The following TRERF1 variants were observed in gnomAD, a reference collection of about 807,000 sequenced individuals.
TRERF1 encodes transcriptional-regulating factor 1.
A neutral mutation model predicts 122.9 loss-of-function variants in TRERF1; 27 were observed. The observed-to-expected ratio is 0.22, with a 90% CI of 0.16 to 0.30. The LOEUF (loss-of-function observed/expected upper bound fraction) is 0.30, where lower values mean the gene tolerates loss of function less well. Among genes scored for constraint, TRERF1 ranks in the 10% least tolerant of loss-of-function variants. The pLI is 1.00. For synonymous variants in TRERF1, 636 were observed against 641.7 expected (o/e 0.99, Z 0.13); for missense variants, 1,248 against 1,560.3 (o/e 0.80, Z 3.37).
chr6:42,405,802 A>AAT (rs1554205768), intron 2 of TRERF1, among the ~76,000 whole-genome samples: 2 of 150,760 alleles, frequency 1.3e-5, no homozygotes, highest in African/African-American at 4.9e-5. Context: ...CTCAAAAAAA[A>AAT]AAAAATTAAA....
At chr6:42,347,723 A>G (rs1768581266) in intron 3 of TRERF1, among the ~76,000 whole-genome samples, 1 of 152,202 alleles carries the variant, frequency 6.6e-6, no homozygotes, top group African/African-American at 2.4e-5. Flanking sequence ...CAAAGAGTGA[A>G]CCAAATGATC....
chr6:42,373,411 C>A (rs1774142196), intron 2 of TRERF1, among the ~76,000 whole-genome samples: 1 of 151,962 alleles, frequency 6.6e-6, no homozygotes, highest in Non-Finnish European at 1.5e-5. Context: ...CTCACACCTG[C>A]AATCCCAGCA....
intron 2 of TRERF1, among the ~76,000 whole-genome samples, chr6:42,389,897 T>G (rs1475916130): frequency 6.6e-6 from 1 of 152,228 alleles, no homozygotes; most frequent in Admixed American, 6.5e-5. Flanking sequence ...GCTAGTTGTC[T>G]AAAGGAACAA....
intron 2 of TRERF1, among the ~76,000 whole-genome samples, chr6:42,374,137 T>TA (rs373255205): frequency 0.044 from 5,574 of 127,342 alleles, 142 homozygotes; most frequent in East Asian, 0.096. Context: ...GTCTTTTTTT[T>TA]AAAAAAAAAA....
At chr6:42,381,733 G>A (rs1282609186) in intron 2 of TRERF1, among the ~76,000 whole-genome samples, 1 of 151,474 alleles carries the variant, frequency 6.6e-6, no homozygotes, top group Non-Finnish European at 1.5e-5. Flanking sequence ...GAGAAGGCAG[G>A]GGAAGTGGCT....
At chr6:42,353,365 T>C (rs1282954051) in intron 3 of TRERF1, among the ~76,000 whole-genome samples, 2 of 151,788 alleles carry the variant, frequency 1.3e-5, no homozygotes, top group African/African-American at 4.8e-5. Flanking sequence ...GGCGCATGGA[T>C]CATCTGAGGA....
chr6:42,371,986 A>G (rs1773855962), intron 2 of TRERF1, among the ~76,000 whole-genome samples: 1 of 152,180 alleles, frequency 6.6e-6, no homozygotes, highest in African/African-American at 2.4e-5. Flanking sequence ...GTTCGAGATC[A>G]GCCTGGCCAA....
At chr6:42,266,251 T>C (rs892391085) in intron 5 of TRERF1, among the ~76,000 whole-genome samples, 5 of 149,608 alleles carry the variant, frequency 3.3e-5, no homozygotes, top group African/African-American at 1.2e-4. Flanking sequence ...TGCAGTAGCA[T>C]GATCATGGCT....
At chr6:42,348,275 A>G (rs886787732) in intron 3 of TRERF1, among the ~76,000 whole-genome samples, 1 of 150,946 alleles carries the variant, frequency 6.6e-6, no homozygotes, top group Non-Finnish European at 1.5e-5. Flanking sequence ...CTTTTTTGAG[A>G]TGGAGTCTCA....
At chr6:42,281,442 G>A (rs565220896) in intron 4 of TRERF1, among the ~76,000 whole-genome samples, 46 of 152,168 alleles carry the variant, frequency 3.0e-4, no homozygotes, top group Non-Finnish European at 5.0e-4. Context: ...ACAGAATTGT[G>A]TTTAATAGCT....
At chr6:42,257,991 G>A in intron 10 of TRERF1, 144 bp downstream of exon 10, 1 of 670,850 alleles carries the variant, frequency 1.5e-6, no homozygotes, top group East Asian at 2.7e-5. Flanking sequence ...ATTGTGCAGG[G>A]AAACAACAGT....
chr6:42,363,537 G>A (rs983805977), intron 2 of TRERF1, among the ~76,000 whole-genome samples: 5 of 152,188 alleles, frequency 3.3e-5, no homozygotes, highest in East Asian at 1.9e-4. Flanking sequence ...ACCATGTCTT[G>A]GGGGTTGAAC....
chr6:42,345,520 C>T (rs933558417), intron 3 of TRERF1, among the ~76,000 whole-genome samples: 1 of 152,176 alleles, frequency 6.6e-6, no homozygotes, highest in African/African-American at 2.4e-5. Flanking sequence ...TCCTTCAGAA[C>T]TCCTCCAAAA....
chr6:42,259,311 C>T lies in TRERF1; in HGVS notation c.2269+28G>A, dbSNP rs375755101. ...CAGGACTTTACCCAGCACCCAGAGC[C>T]CAGGAGGACGCTAAAGGGGTGACTC... On this transcript the variant is annotated intron_variant, in intron 9 of 17. Coordinates refer to ENST00000372922, the Ensembl canonical transcript of TRERF1. The surrounding 1 kb of genome is among the most constrained non-coding windows in gnomAD (Gnocchi z 4.9). The T allele has an allele frequency of 1.3e-6, 2 of 1,487,726 alleles. No individual in the cohort carries two copies. The highest frequency in any genetic ancestry group is 1.4e-5 in the African/African-American group (1 of 71,426). 92.2% of individuals were successfully genotyped at this position (1,487,726 alleles called of 1,614,324 possible).
chr6:42,253,094 A>G (rs768452064), intron 13 of TRERF1, among the ~76,000 whole-genome samples: 14 of 152,168 alleles, frequency 9.2e-5, no homozygotes, highest in Admixed American at 4.6e-4. Context: ...CTTGTTTCAA[A>G]GTTTTTGGTA....
chr6:42,261,905 C>T (rs747245226), intron 8 of TRERF1, among the ~76,000 whole-genome samples: 1 of 152,120 alleles, frequency 6.6e-6, no homozygotes, highest in Non-Finnish European at 1.5e-5. Flanking sequence ...TTTGGCTACC[C>T]AGGTGTATTC....
rs150676522 is a variant in TRERF1, at chr6:42,234,482, C to T, written c.3067-1590G>A. Among the ~76,000 whole-genome samples, 94 of 151,972 alleles carry T rather than the reference C, an allele frequency of 6.2e-4. 1 individual carries two copies. Among genetic ancestry groups the T allele is most frequent in the Middle Eastern group, 3.4e-3 (1 of 292 alleles). ...CCTCCCAAGTAGCTGGGACTACAGG[C>T]GCGCACCACCACGCCCAGGTAAGTT... On this transcript the variant is annotated intron_variant, in intron 16 of 17. Transcript: ENST00000372922.
intron 3 of TRERF1, among the ~76,000 whole-genome samples, chr6:42,307,437 T>C (rs1787461815): frequency 6.6e-6 from 1 of 152,166 alleles, no homozygotes; most frequent in African/African-American, 2.4e-5. Context: ...CAGGCCCAGC[T>C]CTATATTACA....
chr6:42,356,974 T>C (rs547552027), intron 3 of TRERF1, among the ~76,000 whole-genome samples: 1 of 152,260 alleles, frequency 6.6e-6, no homozygotes, highest in Admixed American at 6.5e-5. Flanking sequence ...AAGCACAATG[T>C]CGTCTGCCGT....
Sources: allele counts gnomAD v4.1 joint callset (sites outside exome capture counted in the v4.1 genomes callset), GRCh38; gene constraint gnomAD v4.1.1; non-coding constraint Gnocchi (gnomAD v3.1); transcripts MANE v1.5; gene names NCBI Gene and HGNC (gene_info 2026-07-23, HGNC 2026-07-21).